Variants in RIMKLB observed in about 807,000 individuals in gnomAD.
The protein encoded by RIMKLB is beta-citrylglutamate synthase B.
RIMKLB carries 7 observed loss-of-function variants against 32.0 expected under a neutral mutation model. That is an observed-to-expected ratio of 0.22 (90% CI 0.12 to 0.41). The LOEUF (loss-of-function observed/expected upper bound fraction) is 0.41, where lower values mean the gene tolerates loss of function less well. Ranked by LOEUF, RIMKLB falls within the 10% of genes least tolerant of loss-of-function variation. RIMKLB has a pLI of 1.00. For missense variants in RIMKLB, 289 were observed against 498.7 expected (o/e 0.58, Z 4.00); for synonymous variants, 172 against 185.1 (o/e 0.93, Z 0.57).
At chr12:8,765,321 C>G (rs1949864226) in intron 5 of RIMKLB, among the ~76,000 whole-genome samples, 1 of 152,130 alleles carries the variant, frequency 6.6e-6, no homozygotes, top group Non-Finnish European at 1.5e-5. Flanking sequence ...TGTTCTGATT[C>G]TGTGTCCCAG....
intron 1 of RIMKLB, among the ~76,000 whole-genome samples, chr12:8,709,168 AAG>A (rs1449858127): frequency 6.6e-6 from 1 of 152,186 alleles, no homozygotes; most frequent in Non-Finnish European, 1.5e-5. Context: ...ACTAGGAAAA[AAG>A]TTTGCCATTT....
chr12:8,781,357 C>T (rs1213931187), downstream of RIMKLB, among the ~76,000 whole-genome samples: 1 of 152,064 alleles, frequency 6.6e-6, no homozygotes, highest in Admixed American at 6.5e-5. Context: ...AAATAAAAAT[C>T]AAAACTAAAA....
intron 2 of RIMKLB, among the ~76,000 whole-genome samples, chr12:8,724,562 A>G (rs1382064806): frequency 6.6e-6 from 1 of 152,092 alleles, no homozygotes; most frequent in Non-Finnish European, 1.5e-5. Flanking sequence ...GCTCATGCAG[A>G]GATTTCTGTA....
intron 2 of RIMKLB, among the ~76,000 whole-genome samples, chr12:8,717,499 C>G (rs1363090218): frequency 6.6e-6 from 1 of 151,860 alleles, no homozygotes; most frequent in East Asian, 1.9e-4. Context: ...TTGAACTTCT[C>G]TTACAAATCT....
intron 2 of RIMKLB, among the ~76,000 whole-genome samples, chr12:8,743,843 TATATC>T (rs1020280765): frequency 6.6e-6 from 1 of 151,990 alleles, no homozygotes; most frequent in African/African-American, 2.4e-5. Flanking sequence ...ATCCGAAACT[TATATC>T]TAAAATATTT....
At chr12:8,686,463 T>C (rs1942576009) in intron 1 of RIMKLB, among the ~76,000 whole-genome samples, 1 of 149,812 alleles carries the variant, frequency 6.7e-6, no homozygotes, top group African/African-American at 2.5e-5. Flanking sequence ...TTCTTTTCTT[T>C]TTTTTTTTTT....
intron 2 of RIMKLB, among the ~76,000 whole-genome samples, chr12:8,737,871 C>T (rs1468632380): frequency 1.3e-5 from 2 of 152,118 alleles, no homozygotes; most frequent in African/African-American, 2.4e-5. Context: ...TGCGCCACCA[C>T]GCCCGGCTAA....
At chr12:8,738,224 G>A (rs1472541353) in intron 2 of RIMKLB, among the ~76,000 whole-genome samples, 3 of 152,076 alleles carry the variant, frequency 2.0e-5, no homozygotes, top group African/African-American at 7.2e-5. Context: ...GTATTTTTTT[G>A]TAGAGACAGA....
At chr12:8,761,526 C>A (rs1480037865) in intron 5 of RIMKLB, among the ~76,000 whole-genome samples, 4 of 152,048 alleles carry the variant, frequency 2.6e-5, no homozygotes, top group African/African-American at 9.7e-5. Flanking sequence ...GATCATTGCC[C>A]CTCCCCCTGT....
At chr12:8,741,934 G>T (rs11047007) in intron 2 of RIMKLB, among the ~76,000 whole-genome samples, 3,503 of 146,360 alleles carry the variant, frequency 0.024, 167 homozygotes, top group African/African-American at 0.085. Context: ...TTTTTTTTTT[G>T]TTTTTTTTGA....
intron 5 of RIMKLB, among the ~76,000 whole-genome samples, chr12:8,772,275 ACT>A (rs1263573096): frequency 3.9e-5 from 6 of 151,970 alleles, no homozygotes; most frequent in South Asian, 2.1e-4. Flanking sequence ...AAGCGACTGT[ACT>A]CTCTTTGAGT....
chr12:8,686,260 T>TCCCTC (rs1368312124), intron 1 of RIMKLB, among the ~76,000 whole-genome samples: 1 of 150,188 alleles, frequency 6.7e-6, no homozygotes, highest in Non-Finnish European at 1.5e-5. Flanking sequence ...CTCTCCCCCT[T>TCCCTC]CCCTCCCCTC....
chr12:8,688,201 T>C (rs1942634353), intron 1 of RIMKLB, among the ~76,000 whole-genome samples: 1 of 152,192 alleles, frequency 6.6e-6, no homozygotes, highest in Non-Finnish European at 1.5e-5. Flanking sequence ...AGTGGATTGT[T>C]GAAAAGATCT....
At position 8,718,661 on chromosome 12, in the gene RIMKLB, A is replaced by ATGTG. The variant is rs1287877829; in HGVS notation, c.175+4621_175+4622insGTGT. ...CGTCTCTCTCTCTCTCTCTATATATATATATATATGTGTGTGTGTGTGTGT... is the reference window on the plus strand; with the variant it reads ...CGTCTCTCTCTCTCTCTCTATATATATGTGTATATATATGTGTGTGTGTGTGTGT... On this transcript the variant is annotated intron_variant, in intron 2 of 5. Coordinates refer to ENST00000535829, the MANE Select transcript of RIMKLB (RefSeq NM_001297776.2). 9.3e-5 allele frequency among the ~76,000 whole-genome samples: 11 copies of ATGTG among 118,502 alleles called. No homozygotes were observed. In the East Asian group the frequency reaches 1.3e-3, roughly 14 times the overall value. 77.7% of individuals were successfully genotyped at this position (118,502 alleles called of 152,430 possible). A position where few individuals can be genotyped will look rare whatever the true frequency, so the allele number is the denominator to read the frequency against.
chr12:8,744,289 A>ATTTC (rs1343029483), intron 2 of RIMKLB, among the ~76,000 whole-genome samples: 8 of 151,866 alleles, frequency 5.3e-5, no homozygotes, highest in African/African-American at 1.7e-4. Context: ...GAGGCATTGA[A>ATTTC]TTTCTTTCCA....
At chr12:8,746,454 C>T (rs6487353) in intron 2 of RIMKLB, among the ~76,000 whole-genome samples, 5,661 of 151,324 alleles carry the variant, frequency 0.037, 432 homozygotes, top group African/African-American at 0.13. Flanking sequence ...AACAAGTAGC[C>T]GGGCGCGGTG....
chr12:8,671,401 C>T, the RIMKLB span, among the ~76,000 whole-genome samples: 4 of 151,950 alleles, frequency 2.6e-5, no homozygotes, highest in African/African-American at 9.7e-5. Flanking sequence ...CAGTCATGTG[C>T]CACCACCTCA....
rs757491424 is a variant in RIMKLB, at chr12:8,748,882, T to C, written c.176-980T>C. ...TGAACCCAGGAAGCAGAGGTTGCAG[T>C]GAGCTGAGACCATGCCACTGCACTC... is the stretch of plus-strand genomic sequence containing the variant. On this transcript the variant is annotated intron_variant, in intron 2 of 5. Coordinates refer to ENST00000535829, the MANE Select transcript of RIMKLB (RefSeq NM_001297776.2). Among the ~76,000 whole-genome samples, 771 of 152,122 alleles carry C rather than the reference T, an allele frequency of 5.1e-3. 8 individuals are homozygous for C. The highest frequency in any genetic ancestry group is 0.017 in the African/African-American group (712 of 41,512).
At chr12:8,770,526 C>T (rs772807110) in intron 5 of RIMKLB, among the ~76,000 whole-genome samples, 8 of 152,298 alleles carry the variant, frequency 5.3e-5, no homozygotes, top group African/African-American at 1.9e-4. Flanking sequence ...TATTCATCTT[C>T]CCATATCTTG....
Sources: allele counts gnomAD v4.1 joint callset (sites outside exome capture counted in the v4.1 genomes callset), GRCh38; gene constraint gnomAD v4.1.1; transcripts MANE v1.5; gene names NCBI Gene and HGNC (gene_info 2026-07-23, HGNC 2026-07-21).